Variants in EYA2 observed in about 807,000 individuals in gnomAD.
The protein encoded by EYA2 is protein phosphatase EYA2.
EYA2 carries 31 observed loss-of-function variants against 69.2 expected under a neutral mutation model. That is an observed-to-expected ratio of 0.45 (90% CI 0.34 to 0.60). The LOEUF (loss-of-function observed/expected upper bound fraction) is 0.60, where lower values mean the gene tolerates loss of function less well. EYA2 is among the 20% of genes least tolerant of loss of function. The pLI is 0.02. For missense variants in EYA2, 622 were observed against 701.2 expected (o/e 0.89, Z 1.28); for synonymous variants, 257 against 279.4 (o/e 0.92, Z 0.80).
intron 9 of EYA2, among the ~76,000 whole-genome samples, chr20:47,136,439 G>A (rs929968633): frequency 1.3e-5 from 2 of 152,084 alleles, no homozygotes; most frequent in African/African-American, 4.8e-5. Flanking sequence ...GGCCGCCTAC[G>A]TGGTGAAAGG....
At chr20:47,012,825 C>T (rs1211039691) in intron 4 of EYA2, among the ~76,000 whole-genome samples, 2 of 152,170 alleles carry the variant, frequency 1.3e-5, no homozygotes, top group Non-Finnish European at 1.5e-5. Flanking sequence ...ATACTAAATA[C>T]AAGTCTGGAG....
At chr20:47,025,965 C>T (rs1029615919) in intron 5 of EYA2, among the ~76,000 whole-genome samples, 2 of 152,232 alleles carry the variant, frequency 1.3e-5, no homozygotes, top group Admixed American at 1.3e-4. Context: ...TTTGTATTTC[C>T]TTTCCTGTGA....
At chr20:46,965,688 A>G (rs915267081) in intron 1 of EYA2, among the ~76,000 whole-genome samples, 1 of 152,228 alleles carries the variant, frequency 6.6e-6, no homozygotes, top group Non-Finnish European at 1.5e-5. Flanking sequence ...AGCCTCCTAG[A>G]CGCTCTGAGT....
intron 5 of EYA2, among the ~76,000 whole-genome samples, chr20:47,017,140 C>T (rs1161071060): frequency 6.6e-6 from 1 of 152,150 alleles, no homozygotes; most frequent in Non-Finnish European, 1.5e-5. Context: ...ATCCAAGAAC[C>T]CTTCTCTGTT....
At chr20:47,056,017 C>G (rs1409307125) in intron 5 of EYA2, among the ~76,000 whole-genome samples, 1 of 152,072 alleles carries the variant, frequency 6.6e-6, no homozygotes, top group African/African-American at 2.4e-5. Flanking sequence ...GTGGCAGAGA[C>G]ACAGTGACAG....
intron 5 of EYA2, among the ~76,000 whole-genome samples, chr20:47,031,991 C>G (rs1984444916): frequency 6.6e-6 from 1 of 152,146 alleles, no homozygotes; most frequent in Admixed American, 6.5e-5. Flanking sequence ...GGCAGCCCAG[C>G]CTTCTGTTCA....
chr20:47,167,475 G>A (rs1052179054), intron 10 of EYA2, among the ~76,000 whole-genome samples: 1 of 151,636 alleles, frequency 6.6e-6, no homozygotes, highest in African/African-American at 2.4e-5. Flanking sequence ...GTAGAGGTGG[G>A]GTTTCTCCAT....
At chr20:47,009,268 A>G (rs1407951464) in intron 4 of EYA2, among the ~76,000 whole-genome samples, 1 of 152,224 alleles carries the variant, frequency 6.6e-6, no homozygotes, top group African/African-American at 2.4e-5. Flanking sequence ...GTTTCCCTTT[A>G]CATCTGCCTG....
At chr20:46,969,343 A>G (rs772636199) in intron 1 of EYA2, among the ~76,000 whole-genome samples, 3 of 151,984 alleles carry the variant, frequency 2.0e-5, no homozygotes, top group Non-Finnish European at 4.4e-5. Context: ...TCAGCCTCCC[A>G]AAGTGCTGGG....
At chr20:46,925,735 G>A (rs6122541) in intron 1 of EYA2, among the ~76,000 whole-genome samples, 17,526 of 152,196 alleles carry the variant, frequency 0.12, 1,479 homozygotes, top group East Asian at 0.48. Flanking sequence ...GTGTCACTAC[G>A]GTCCTTTTGG....
intron 10 of EYA2, among the ~76,000 whole-genome samples, chr20:47,145,817 C>G (rs987810578): frequency 4.6e-5 from 7 of 151,822 alleles, no homozygotes; most frequent in African/African-American, 1.7e-4. Context: ...AGGAGAATCA[C>G]TTGAACCCAG....
At chr20:47,091,335 A>G (rs868238844) in intron 8 of EYA2, among the ~76,000 whole-genome samples, 16 of 152,134 alleles carry the variant, frequency 1.1e-4, no homozygotes, top group African/African-American at 3.9e-4. Context: ...GTCGTCACTA[A>G]AAGTCCAGCC....
intron 1 of EYA2, among the ~76,000 whole-genome samples, chr20:46,986,760 A>G (rs1981249285): frequency 6.6e-6 from 1 of 152,092 alleles, no homozygotes; most frequent in Admixed American, 6.5e-5. Flanking sequence ...TTAAACAACT[A>G]GTTCTTCTGT....
intron 1 of EYA2, among the ~76,000 whole-genome samples, chr20:46,960,894 G>A (rs773661399): frequency 1.3e-5 from 2 of 152,246 alleles, no homozygotes; most frequent in African/African-American, 2.4e-5. Flanking sequence ...ATCAAAGAAC[G>A]TAAACGAGTG....
intron 9 of EYA2, among the ~76,000 whole-genome samples, chr20:47,112,862 CTTTTTTTTTTTTTTTTTT>C (rs11473217): frequency 1.8e-5 from 1 of 55,808 alleles, no homozygotes; most frequent in Admixed American, 2.9e-4. Flanking sequence ...ATGTTCACTC[CTTTTTTTTTTTTTTTTTT>C]TTTTTTTTTG....
At chr20:46,994,846 C>T (rs977676987) in intron 2 of EYA2, among the ~76,000 whole-genome samples, 21 of 151,894 alleles carry the variant, frequency 1.4e-4, no homozygotes, top group African/African-American at 4.8e-4. Context: ...GTCATAGTCT[C>T]GAGCCACTTT....
At position 46,896,926 on chromosome 20, in the gene EYA2, A is replaced by C. The variant is rs551174463; in HGVS notation, c.-11+1939A>C. 2.6e-5 allele frequency among the ~76,000 whole-genome samples: 4 copies of C among 152,360 alleles called. No homozygotes were observed. The South Asian group carries it at 8.3e-4, about 32-fold the overall frequency. ...GACCATGTGTATGAGAATACTCTAT[A>C]AACACACAAATCACTTCCCCAATAT... On this transcript the variant is annotated intron_variant, in intron 1 of 15. Coordinates refer to ENST00000327619, the MANE Select transcript of EYA2 (RefSeq NM_005244.5).
intron 5 of EYA2, among the ~76,000 whole-genome samples, chr20:47,052,456 T>G (rs1157884554): frequency 1.3e-5 from 2 of 152,180 alleles, no homozygotes; most frequent in Non-Finnish European, 2.9e-5. Context: ...TCAGAGTCTG[T>G]GAACGGATTG....
chr20:47,054,741 T>TG (rs1446708651), intron 5 of EYA2, among the ~76,000 whole-genome samples: 4 of 152,198 alleles, frequency 2.6e-5, no homozygotes, highest in Non-Finnish European at 5.9e-5. Context: ...TTGGGGGACA[T>TG]GCAGCCAGTC....
Sources: allele counts gnomAD v4.1 joint callset (sites outside exome capture counted in the v4.1 genomes callset), GRCh38; gene constraint gnomAD v4.1.1; transcripts MANE v1.5; gene names NCBI Gene and HGNC (gene_info 2026-07-23, HGNC 2026-07-21).